ZKSCAN1: variants seen among roughly 807,000 people sequenced by gnomAD.
ZKSCAN1 encodes the protein zinc finger protein with KRAB and SCAN domains 1.
A neutral mutation model predicts 51.6 loss-of-function variants in ZKSCAN1; 14 were observed. The ratio of observed to expected loss-of-function variants is 0.27; its 90% CI spans 0.18 to 0.42. The LOEUF (loss-of-function observed/expected upper bound fraction) is 0.42. ZKSCAN1 is among the 10% of genes least tolerant of loss of function. The pLI is 1.00. For missense variants in ZKSCAN1, 531 were observed against 710.0 expected (o/e 0.75, Z 2.86); for synonymous variants, 263 against 261.5 (o/e 1.01, Z -0.06).
In ZKSCAN1 at chr7:100,037,284, C is replaced by T; in HGVS notation, c.*3087C>T. On this transcript the variant is annotated 3_prime_UTR_variant, in exon 6 of 6. Transcript: ENST00000324306. Reference sequence around the variant, plus strand: ...TAATGGAAATTTTTGAAGAGTTTTTCAATATATACCCTACCCTTGCCAGGA... The same window carrying T: ...TAATGGAAATTTTTGAAGAGTTTTTTAATATATACCCTACCCTTGCCAGGA... The T allele has an allele frequency of 1.0e-6, 1 of 985,390 alleles. No homozygotes were observed. Among genetic ancestry groups the T allele is most frequent in the Non-Finnish European group, 1.2e-6 (1 of 829,916 alleles). The allele number at this position is 985,390 out of a possible 1,614,324, so 61.0% of individuals were successfully genotyped here.
At chr7:100,021,914 T>A (rs952053600) in intron 1 of ZKSCAN1, among the ~76,000 whole-genome samples, 1 of 151,972 alleles carries the variant, frequency 6.6e-6, no homozygotes, top group Non-Finnish European at 1.5e-5. Flanking sequence ...CAGCTAATTT[T>A]TTTCTTTTTC....
chr7:100,017,661 C>G (rs1790425537), intron 1 of ZKSCAN1, among the ~76,000 whole-genome samples: 1 of 152,186 alleles, frequency 6.6e-6, no homozygotes, highest in Non-Finnish European at 1.5e-5. Flanking sequence ...GTATCCTTAG[C>G]TGCTGGAGGT....
At chr7:100,031,273 ATTTTT>A (rs60390216) in intron 5 of ZKSCAN1, among the ~76,000 whole-genome samples, 5 of 89,504 alleles carry the variant, frequency 5.6e-5, no homozygotes, top group Non-Finnish European at 6.1e-5. Context: ...GTACTAGATG[ATTTTT>A]TTTTTTTTTT....
rs1790688157 is a variant in ZKSCAN1 at position 100,023,660 on chromosome 7, C to A, written c.154C>A (p.Pro52Thr). 1.2e-6 allele frequency: 2 copies of A among 1,614,148 alleles called. No individual in the cohort carries two copies. The highest frequency in any genetic ancestry group is 1.7e-6 in the Non-Finnish European group (2 of 1,180,046). ...STLQDTPPPD[P>T]EIFRQRFRRF... is the part of the protein sequence containing the mutation. Reference sequence around the variant, plus strand: ...CCTACAGGACACGCCTCCTCCAGACCCAGAGATATTCCGCCAACGCTTCAG... The same window carrying A: ...CCTACAGGACACGCCTCCTCCAGACACAGAGATATTCCGCCAACGCTTCAG... The change falls in exon 2 of 6, where the codon CCA (proline) becomes ACA (threonine). Residue 52 changes from proline (P) to threonine (T), a missense_variant. Pro to Thr is a conservative substitution (Grantham distance 38). Transcript: ENST00000324306.
chr7:100,032,471 T>C (rs548600028), intron 5 of ZKSCAN1, among the ~76,000 whole-genome samples: 18 of 152,336 alleles, frequency 1.2e-4, no homozygotes, highest in African/African-American at 4.1e-4. Flanking sequence ...TGCGCTCTCA[T>C]TTTCCAAATT....
chr7:100,027,797 C>T (rs1452498401), intron 3 of ZKSCAN1, among the ~76,000 whole-genome samples: 2 of 149,148 alleles, frequency 1.3e-5, no homozygotes, highest in Non-Finnish European at 3.0e-5. Context: ...AACTCCACTA[C>T]TGTTGATGTT....
chr7:100,039,686 A>C lies in ZKSCAN1; in HGVS notation c.*5489A>C. On this transcript the variant is annotated 3_prime_UTR_variant, in exon 6 of 6. Transcript: ENST00000324306. ...ATGGAAGACTGTGTGTATGAATTGG[A>C]GTAACAGAACTGAAATACACTTAAA... The C allele has an allele frequency of 1.0e-6, 1 of 985,432 alleles. No individual in the cohort carries two copies. Among genetic ancestry groups the C allele is most frequent in the Middle Eastern group, 5.2e-4 (1 of 1,914 alleles). 61.0% of individuals were successfully genotyped at this position (985,432 alleles called of 1,614,324 possible).
At chr7:100,032,842 A>G (rs1791169155) in intron 5 of ZKSCAN1, among the ~76,000 whole-genome samples, 1 of 152,106 alleles carries the variant, frequency 6.6e-6, no homozygotes, top group South Asian at 2.1e-4. Flanking sequence ...CCCCGTCTAC[A>G]CTAAAAATAC....
downstream of ZKSCAN1, among the ~76,000 whole-genome samples, chr7:100,043,951 AT>A (rs1177264885): frequency 6.7e-6 from 1 of 149,098 alleles, no homozygotes; most frequent in South Asian, 2.1e-4. Flanking sequence ...TAATTTTTGT[AT>A]TTTTTTTAGA....
chr7:100,019,867 T>C (rs1351622325), intron 1 of ZKSCAN1, among the ~76,000 whole-genome samples: 1 of 152,132 alleles, frequency 6.6e-6, no homozygotes, highest in East Asian at 1.9e-4. Flanking sequence ...CACACCTGGC[T>C]AATTTTTGTA....
intron 3 of ZKSCAN1, chr7:100,024,552 C>T (rs958777559): frequency 2.8e-5 from 13 of 467,738 alleles, no homozygotes; most frequent in East Asian, 2.1e-4. Flanking sequence ...TGTAATCATG[C>T]CACTACTCCA....
downstream of ZKSCAN1, among the ~76,000 whole-genome samples, chr7:100,043,809 ATC>A (rs1363772294): frequency 2.9e-5 from 3 of 104,562 alleles, no homozygotes; most frequent in Non-Finnish European, 3.6e-5. Context: ...TGGAGACAGA[ATC>A]TCTCTCTGTT....
chr7:100,016,300 G>A (rs966591056), intron 1 of ZKSCAN1, among the ~76,000 whole-genome samples: 4 of 152,114 alleles, frequency 2.6e-5, no homozygotes, highest in African/African-American at 9.7e-5. Context: ...TGGATAAATA[G>A]GTGATTGGGA....
In ZKSCAN1 at chr7:100,035,877, G is replaced by A. The variant is rs767484316; in HGVS notation, c.*1680G>A. ...ATTGTGAGCTGTGTAAGTAGTCATCGCCACTCAAGTAGGACAAGGGTCCTA... is the reference window on the plus strand; with the variant it reads ...ATTGTGAGCTGTGTAAGTAGTCATCACCACTCAAGTAGGACAAGGGTCCTA... On this transcript the variant is annotated 3_prime_UTR_variant, in exon 6 of 6. Transcript: ENST00000324306. 2.2e-4 allele frequency: 212 copies of A among 985,234 alleles called. No individual in the cohort carries two copies. Among genetic ancestry groups the A allele is most frequent in the Non-Finnish European group, 2.5e-4 (207 of 829,938 alleles). The allele number at this position is 985,234 out of a possible 1,614,324, so 61.0% of individuals were successfully genotyped here.
At chr7:100,022,237 T>C (rs1790622704) in intron 1 of ZKSCAN1, among the ~76,000 whole-genome samples, 1 of 152,228 alleles carries the variant, frequency 6.6e-6, no homozygotes, top group African/African-American at 2.4e-5. Context: ...CTATTTTTAG[T>C]AGAGACAGGG....
At chr7:100,017,011 AG>A (rs1185568891) in intron 1 of ZKSCAN1, 1 of 152,198 alleles carries the variant, frequency 6.6e-6, no homozygotes, top group Non-Finnish European at 1.5e-5. Flanking sequence ...AATACAAACG[AG>A]GAAGCTAGCT....
intron 1 of ZKSCAN1, among the ~76,000 whole-genome samples, chr7:100,022,296 G>A (rs1053801821): frequency 2.6e-5 from 4 of 152,270 alleles, no homozygotes; most frequent in South Asian, 2.1e-4. Flanking sequence ...CTCGTGATCC[G>A]CACGCCTTGG....
intron 1 of ZKSCAN1, among the ~76,000 whole-genome samples, chr7:100,022,232 T>G (rs1790622378): frequency 6.6e-6 from 1 of 152,208 alleles, no homozygotes; most frequent in African/African-American, 2.4e-5. Flanking sequence ...TTTTTCTATT[T>G]TTAGTAGAGA....
At chr7:100,028,549 A>T (rs1170638603) in intron 3 of ZKSCAN1, among the ~76,000 whole-genome samples, 3 of 152,140 alleles carry the variant, frequency 2.0e-5, no homozygotes, top group Non-Finnish European at 2.9e-5. Context: ...AGGTTTGGTC[A>T]TTCAGTTTCA....
Sources: allele counts gnomAD v4.1 joint callset (sites outside exome capture counted in the v4.1 genomes callset), GRCh38; gene constraint gnomAD v4.1.1; transcripts MANE v1.5; gene names NCBI Gene and HGNC (gene_info 2026-07-23, HGNC 2026-07-21).